Variants in TMEM243 observed in about 807,000 individuals in gnomAD.
TMEM243 encodes the protein MDR1 and mitochondrial taxol resistance associated.
Under a neutral mutation model 15.0 loss-of-function variants are expected in TMEM243, and 20 were observed. The ratio of observed to expected loss-of-function variants is 1.33; its 90% CI spans 0.94 to 1.93. The LOEUF is 1.93. TMEM243 is among the 30% of genes most tolerant of loss of function. TMEM243 has a pLI of 0.00. For missense variants in TMEM243, 156 were observed against 142.1 expected (o/e 1.10, Z -0.50); for synonymous variants, 72 against 52.7 (o/e 1.37, Z -1.59).
chr7:87,215,270 C>A (rs1803023543), intron 1 of TMEM243, among the ~76,000 whole-genome samples: 1 of 152,022 alleles, frequency 6.6e-6, no homozygotes, highest in Non-Finnish European at 1.5e-5. Context: ...CCATGCCCAG[C>A]TAATTTTTTG....
intron 1 of TMEM243, among the ~76,000 whole-genome samples, chr7:87,201,971 G>A (rs1037766304): frequency 7.2e-5 from 11 of 152,134 alleles, no homozygotes; most frequent in African/African-American, 2.7e-4. Context: ...CCTTCCCAGA[G>A]ACAAAATATT....
rs1323406001 is a variant in TMEM243 at position 87,196,309 on chromosome 7, AAG to A, written c.*325_*326del. ...TGTATATTCAGTTTAACAGAAATAA[AAG>A]AATATTTGTCTTAAGATGCAAGATT... On this transcript the variant is annotated 3_prime_UTR_variant, in exon 4 of 4. Transcript: ENST00000257637. 12 of 196,596 alleles carry A rather than the reference AAG, an allele frequency of 6.1e-5. No individual in the cohort carries two copies. Among genetic ancestry groups the A allele is most frequent in the East Asian group, 1.4e-4 (1 of 6,900 alleles). 12.2% of individuals were successfully genotyped at this position (196,596 alleles called of 1,614,324 possible). A position where few individuals can be genotyped will look rare whatever the true frequency, so the allele number is the denominator to read the frequency against.
intron 1 of TMEM243, chr7:87,218,562 T>C (rs1803269080): frequency 6.6e-6 from 1 of 151,878 alleles, no homozygotes; most frequent in Non-Finnish European, 1.5e-5. Flanking sequence ...GAAAGCACTT[T>C]ATCAGAGGTC....
At chr7:87,211,532 G>T (rs1802750452) in intron 1 of TMEM243, among the ~76,000 whole-genome samples, 2 of 152,198 alleles carry the variant, frequency 1.3e-5, no homozygotes, top group Admixed American at 1.3e-4. Context: ...TTGATTCTCA[G>T]AAATGACTTT....
intron 1 of TMEM243, among the ~76,000 whole-genome samples, chr7:87,209,534 G>A (rs11772503): frequency 0.25 from 11,333 of 45,850 alleles, 529 homozygotes; most frequent in Middle Eastern, 0.43. Flanking sequence ...GAGAGTGAGA[G>A]AGAAAGTGAG....
intron 1 of TMEM243, among the ~76,000 whole-genome samples, chr7:87,210,057 G>T (rs532554415): frequency 1.4e-4 from 19 of 131,376 alleles, no homozygotes; most frequent in Admixed American, 8.3e-4. Flanking sequence ...GGAGGGGAAG[G>T]GGGGACAGAT....
At chr7:87,216,787 G>T (rs1803150505) in intron 1 of TMEM243, 1 of 152,126 alleles carries the variant, frequency 6.6e-6, no homozygotes, top group Admixed American at 6.5e-5. Flanking sequence ...CTGTGAAAGG[G>T]CAACAGGTAT....
Position 87,219,434 on chromosome 7 carries a change from A to C in TMEM243, c.70T>G (p.Ser24Ala). 5 of 1,614,184 alleles carry C rather than the reference A, an allele frequency of 3.1e-6. No homozygotes were observed. Among genetic ancestry groups the C allele is most frequent in the Non-Finnish European group, 4.2e-6 (5 of 1,180,006 alleles). ...LDNRPLFGET[S>A]AKDRIINLVV... ...TCACAATCCGCACTCACCTTGGCGGACGTCTCCCCAAACAGAGGTCTGTTG... is the reference window on the plus strand; with the variant it reads ...TCACAATCCGCACTCACCTTGGCGGCCGTCTCCCCAAACAGAGGTCTGTTG... The change falls in exon 1 of 4, where the codon TCC (serine) becomes GCC (alanine). Residue 24 changes from serine (S) to alanine (A), a missense_variant. Physicochemically the swap from Ser to Ala is moderately conservative, Grantham distance 99. Coordinates refer to ENST00000257637, the MANE Select transcript of TMEM243 (RefSeq NM_024315.4).
In TMEM243 at chr7:87,205,341, AT is replaced by A. The variant is rs555923491; in HGVS notation, c.79-6285del. ...CAGCTGACTTAGATTTCTCCTCAGG[AT>A]TTTTTTTTTTTTTCTATTGCATTGT... On this transcript the variant is annotated intron_variant, in intron 1 of 3. Coordinates refer to ENST00000257637, the MANE Select transcript of TMEM243 (RefSeq NM_024315.4). 4.9e-3 allele frequency among the ~76,000 whole-genome samples: 702 copies of A among 142,014 alleles called. 7 individuals carry two copies. Among genetic ancestry groups the A allele is most frequent in the East Asian group, 0.042 (202 of 4,836 alleles). The allele number at this position is 142,014 out of a possible 152,430, so 93.2% of individuals were successfully genotyped here.
chr7:87,209,653 A>T lies in TMEM243; in HGVS notation c.78+9773T>A, dbSNP rs1464454729. On this transcript the variant is annotated intron_variant, in intron 1 of 3. Transcript: ENST00000257637. The stretch of plus-strand genomic sequence containing the variant: ...GATAGAGAGCGAGAGAGACAGTGAG[A>T]GACAGAGCGAGAGAGAGCGAGAGCG... Among the ~76,000 whole-genome samples the T allele has an allele frequency of 1.9e-3, 49 of 25,234 alleles. 1 individual carries two copies. The highest frequency in any genetic ancestry group is 2.8e-3 in the Admixed American group (6 of 2,178). The allele number at this position is 25,234 out of a possible 152,430, so 16.6% of individuals were successfully genotyped here. A position where few individuals can be genotyped will look rare whatever the true frequency, so the allele number is the denominator to read the frequency against.
chr7:87,218,590 CTT>C (rs111773197), intron 1 of TMEM243: 2 of 144,206 alleles, frequency 1.4e-5, no homozygotes, highest in African/African-American at 5.0e-5. Flanking sequence ...ACCAATGCCA[CTT>C]TTTTTTTTTT....
At position 87,219,670 on chromosome 7, in the gene TMEM243, G is replaced by A; in HGVS notation, c.-167C>T. On this transcript the variant is annotated 5_prime_UTR_variant, in exon 1 of 4. Coordinates refer to ENST00000257637, the MANE Select transcript of TMEM243 (RefSeq NM_024315.4). The stretch of plus-strand genomic sequence containing the variant: ...GGATGGGTGGGGGCTCACACGCGGG[G>A]AACGCGACTGCTCCGCCCCGGCCCC... The A allele has an allele frequency of 1.6e-6, 1 of 625,224 alleles. No homozygotes were observed. Among genetic ancestry groups the A allele is most frequent in the Non-Finnish European group, 2.8e-6 (1 of 352,550 alleles). 38.7% of individuals were successfully genotyped at this position (625,224 alleles called of 1,614,324 possible).
chr7:87,204,192 G>A (rs1223020785), intron 1 of TMEM243, among the ~76,000 whole-genome samples: 1 of 152,130 alleles, frequency 6.6e-6, no homozygotes, highest in African/African-American at 2.4e-5. Flanking sequence ...AACAGTATGG[G>A]GGAAACCGTC....
chr7:87,219,301 T>G (rs1156745942), intron 1 of TMEM243, 125 bp downstream of exon 1: 1 of 843,356 alleles, frequency 1.2e-6, no homozygotes, highest in African/African-American at 1.7e-5. Flanking sequence ...GAAGTGGGAT[T>G]GCAGAACCAG....
intron 1 of TMEM243, 157 bp from the exon 2 acceptor site, chr7:87,199,214 G>A: frequency 3.7e-6 from 2 of 545,524 alleles, no homozygotes; most frequent in Middle Eastern, 3.3e-4. Flanking sequence ...AAAGTGTACT[G>A]AACCATAAGA....
chr7:87,209,420 G>C (rs994104576), intron 1 of TMEM243, among the ~76,000 whole-genome samples: 24 of 151,780 alleles, frequency 1.6e-4, no homozygotes, highest in African/African-American at 5.3e-4. Flanking sequence ...GAGAGCGAGA[G>C]TGAAAGAGAG....
At chr7:87,199,150 A>G in intron 1 of TMEM243, 93 bp from the exon 2 acceptor site, 2 of 979,982 alleles carry the variant, frequency 2.0e-6, no homozygotes, top group Non-Finnish European at 1.5e-6. Context: ...TTTACTATAA[A>G]GAAACCCAAG....
chr7:87,196,831 T>G, intron 3 of TMEM243, 73 bp from the exon 4 acceptor site: 1 of 1,106,920 alleles, frequency 9.0e-7, no homozygotes, highest in Non-Finnish European at 1.3e-6. Flanking sequence ...CAAATTTCAT[T>G]AGTATTTGTT....
At chr7:87,210,624 T>A (rs1562886554) in intron 1 of TMEM243, among the ~76,000 whole-genome samples, 1 of 152,146 alleles carries the variant, frequency 6.6e-6, no homozygotes, top group South Asian at 2.1e-4. Context: ...CAAAATAACC[T>A]CCTTTGGCTC....
Sources: allele counts gnomAD v4.1 joint callset (sites outside exome capture counted in the v4.1 genomes callset), GRCh38; gene constraint gnomAD v4.1.1; transcripts MANE v1.5; gene names NCBI Gene and HGNC (gene_info 2026-07-23, HGNC 2026-07-21).